The following OR4Q3 variants were observed in gnomAD, a reference collection of about 807,000 sequenced individuals.
OR4Q3 encodes olfactory receptor 4Q3.
OR4Q3 carries 17 observed loss-of-function variants against 18.8 expected under a neutral mutation model. The observed-to-expected ratio is 0.91, with a 90% CI of 0.62 to 1.36. The LOEUF (loss-of-function observed/expected upper bound fraction) is 1.36. Among genes scored for constraint, OR4Q3 ranks in the 40% most tolerant of loss-of-function variants. OR4Q3 has a pLI of 0.00. For missense variants in OR4Q3, 378 were observed against 373.4 expected, an observed-to-expected ratio of 1.01 and a Z score of -0.10; for synonymous variants, 158 against 145.8, an observed-to-expected ratio of 1.08 and a Z score of -0.60.
At chr14:19,749,416 T>C in exon 2 of OR4Q3, 1 of 152,324 alleles carries the variant, frequency 6.6e-6, no homozygotes. Context: ...TTGAGCAATA[T>C]GGAGAAACCC....
chr14:19,747,600 C>A, exon 2 of OR4Q3: 1 of 1,613,984 alleles, frequency 6.2e-7, no homozygotes, highest in Non-Finnish European at 8.5e-7. Flanking sequence ...CTGCTCCAAT[C>A]TCCTATGTAT....
At chr14:19,748,555 C>A in exon 2 of OR4Q3, 6 of 558,246 alleles carry the variant, frequency 1.1e-5, no homozygotes, top group African/African-American at 1.9e-5. Context: ...GCCACCTATG[C>A]CTTTTGACCA....
chr14:19,747,960 T>C, exon 2 of OR4Q3: 1 of 1,614,078 alleles, frequency 6.2e-7, no homozygotes. Context: ...CTGGACAACT[T>C]CTACTGTGAT....
chr14:19,745,992 T>C, intron 1 of OR4Q3, among the ~76,000 whole-genome samples: 1 of 152,110 alleles, frequency 6.6e-6, no homozygotes, highest in Non-Finnish European at 1.5e-5. Context: ...GTCCCAAATC[T>C]CTCTCTCACT....
intron 1 of OR4Q3, among the ~76,000 whole-genome samples, chr14:19,745,982 G>A: frequency 6.6e-6 from 1 of 152,244 alleles, no homozygotes; most frequent in South Asian, 2.1e-4. Flanking sequence ...GGTGGCTTGA[G>A]TCCCAAATCT....
At chr14:19,750,485 G>T, downstream of OR4Q3, among the ~76,000 whole-genome samples, 1 of 151,930 alleles carries the variant, frequency 6.6e-6, no homozygotes, top group East Asian at 1.9e-4. Context: ...TTTATATTTT[G>T]TCACTTTATC....
chr14:19,750,849 T>C, downstream of OR4Q3, among the ~76,000 whole-genome samples: 7 of 152,254 alleles, frequency 4.6e-5, no homozygotes, highest in Non-Finnish European at 1.0e-4. Context: ...TTAGCTTCAC[T>C]CTACTCAACA....
chr14:19,745,960 G>A, intron 1 of OR4Q3, among the ~76,000 whole-genome samples: 1 of 152,174 alleles, frequency 6.6e-6, no homozygotes. Flanking sequence ...TGGTGTGACA[G>A]AGGCATCCAA....
chr14:19,745,395 A>G lies in OR4Q3; in HGVS notation c.2+1724A>G. Among the ~76,000 whole-genome samples the G allele has an allele frequency of 2.8e-3, 422 of 152,120 alleles. 1 individual carries two copies. The South Asian group carries it at 0.038, about 14-fold the overall frequency. ...TTAGTATAATCTTTTCTTTCTCAGC[A>G]TATGTTCGGTGGAAAAAACAAGTGT... On this transcript the variant is annotated intron_variant, in intron 1 of 1. Coordinates refer to ENST00000642117, the Ensembl canonical transcript of OR4Q3.
chr14:19,745,761 T>C, intron 1 of OR4Q3, among the ~76,000 whole-genome samples: 1 of 152,222 alleles, frequency 6.6e-6, no homozygotes, highest in African/African-American at 2.4e-5. Context: ...GAATTTTCAA[T>C]ATAGCAGAGC....
At chr14:19,745,342 G>T in intron 1 of OR4Q3, among the ~76,000 whole-genome samples, 2 of 152,088 alleles carry the variant, frequency 1.3e-5, no homozygotes, top group South Asian at 2.1e-4. Flanking sequence ...CTATCCTTCT[G>T]ATTTATTTAA....
At chr14:19,743,634 C>T (rs1450591620) in exon 1 of OR4Q3, 1 of 152,322 alleles carries the variant, frequency 6.6e-6, no homozygotes, top group Non-Finnish European at 1.5e-5. Context: ...ATAAAATCTT[C>T]CTTCCTTGAA....
At chr14:19,743,701 C>T (rs1877358707) in intron 1 of OR4Q3, 30 bp downstream of exon 1, 1 of 152,276 alleles carries the variant, frequency 6.6e-6, no homozygotes, top group African/African-American at 2.4e-5. Flanking sequence ...TTATTCAAAA[C>T]TCCCCTCCCC....
downstream of OR4Q3, among the ~76,000 whole-genome samples, chr14:19,750,279 C>T: frequency 6.6e-6 from 1 of 152,160 alleles, no homozygotes; most frequent in Admixed American, 6.5e-5. Flanking sequence ...GCCACGACAC[C>T]CGGCCAGATT....
chr14:19,750,955 A>G, downstream of OR4Q3, among the ~76,000 whole-genome samples: 59 of 152,348 alleles, frequency 3.9e-4, no homozygotes, highest in African/African-American at 1.3e-3. Context: ...GAAACTGCCC[A>G]AGAGTACTGC....
downstream of OR4Q3, among the ~76,000 whole-genome samples, chr14:19,751,522 TG>T: frequency 6.6e-6 from 1 of 151,148 alleles, no homozygotes; most frequent in Non-Finnish European, 1.5e-5. Context: ...GGGCTTTTTT[TG>T]GTTAGTAGAG....
chr14:19,750,883 T>A, downstream of OR4Q3, among the ~76,000 whole-genome samples: 1 of 152,350 alleles, frequency 6.6e-6, no homozygotes, highest in African/African-American at 2.4e-5. Context: ...TTGCATACGA[T>A]GAATATCCTG....
At chr14:19,750,567 G>T, downstream of OR4Q3, among the ~76,000 whole-genome samples, 1 of 152,206 alleles carries the variant, frequency 6.6e-6, no homozygotes, top group African/African-American at 2.4e-5. Flanking sequence ...AAAAATGTCT[G>T]AAACTCCATC....
At chr14:19,746,733 T>A in intron 1 of OR4Q3, among the ~76,000 whole-genome samples, 9 of 152,238 alleles carry the variant, frequency 5.9e-5, no homozygotes, top group African/African-American at 1.9e-4. Flanking sequence ...CCTAAATGAT[T>A]TGTTTCCTAA....
Sources: allele counts gnomAD v4.1 joint callset (sites outside exome capture counted in the v4.1 genomes callset), GRCh38; gene constraint gnomAD v4.1.1; transcripts MANE v1.5; gene names NCBI Gene and HGNC (gene_info 2026-07-23, HGNC 2026-07-21).